Variants in TMEM131 observed in about 807,000 individuals in gnomAD.
The protein encoded by TMEM131 is 2610524E03Rik.
In TMEM131, 66 loss-of-function variants were observed where a neutral mutation model predicts 211.6. The observed-to-expected ratio is 0.31, with a 90% confidence interval of 0.26 to 0.38. TMEM131 has a LOEUF of 0.38. Among genes scored for constraint, TMEM131 ranks in the 10% least tolerant of loss-of-function variants. The pLI, the probability that TMEM131 is intolerant of heterozygous loss-of-function variation, is 1.00. For missense variants in TMEM131, 2,036 were observed against 2,299.3 expected (o/e 0.89, Z 2.34); for synonymous variants, 844 against 841.3 (o/e 1.00, Z -0.06).
chr2:97,859,027 T>TG (rs1334956826), intron 5 of TMEM131, among the ~76,000 whole-genome samples: 1 of 152,212 alleles, frequency 6.6e-6, no homozygotes, highest in Non-Finnish European at 1.5e-5. Flanking sequence ...GCGAAGGAAT[T>TG]ACCTATTATT....
chr2:97,778,317 G>A (rs535206126), intron 31 of TMEM131, among the ~76,000 whole-genome samples: 24 of 152,294 alleles, frequency 1.6e-4, no homozygotes, highest in East Asian at 5.8e-4. Flanking sequence ...TTGGGAGGCC[G>A]AGGAGGGCGG....
At chr2:97,899,495 C>T (rs1466966052) in intron 3 of TMEM131, among the ~76,000 whole-genome samples, 1 of 152,024 alleles carries the variant, frequency 6.6e-6, no homozygotes, top group Admixed American at 6.6e-5. Flanking sequence ...AGATGGTTAA[C>T]CTCACACATA....
chr2:97,863,252 T>C (rs940217405), intron 4 of TMEM131, among the ~76,000 whole-genome samples: 2 of 152,312 alleles, frequency 1.3e-5, no homozygotes, highest in South Asian at 2.1e-4. Flanking sequence ...ACATCAGATA[T>C]ATCTTACAAG....
intron 4 of TMEM131, among the ~76,000 whole-genome samples, chr2:97,873,591 T>C (rs1407011547): frequency 6.6e-6 from 1 of 152,228 alleles, no homozygotes; most frequent in African/African-American, 2.4e-5. Context: ...CCTCCGCTGC[T>C]GATACCAAGG....
intron 4 of TMEM131, among the ~76,000 whole-genome samples, chr2:97,864,318 C>T (rs998542929): frequency 6.6e-6 from 1 of 151,852 alleles, no homozygotes; most frequent in Non-Finnish European, 1.5e-5. Flanking sequence ...TTTCCTAGCA[C>T]AACACGGTGA....
intron 10 of TMEM131, among the ~76,000 whole-genome samples, chr2:97,833,654 CTT>C (rs11341582): frequency 0.03 from 4,280 of 143,674 alleles, 173 homozygotes; most frequent in African/African-American, 0.094. Flanking sequence ...AAAATATATA[CTT>C]TTTTTTTTTT....
chr2:97,857,532 T>C (rs552289413), intron 5 of TMEM131, among the ~76,000 whole-genome samples: 1 of 152,302 alleles, frequency 6.6e-6, no homozygotes, highest in East Asian at 1.9e-4. Flanking sequence ...AAGTTAGAAA[T>C]AAAATGTATA....
chr2:97,788,468 C>T (rs896784119), intron 31 of TMEM131, among the ~76,000 whole-genome samples: 2 of 152,210 alleles, frequency 1.3e-5, no homozygotes, highest in Admixed American at 6.5e-5. Flanking sequence ...GTTGACTCCT[C>T]AAGTTCAAGT....
At chr2:97,810,849 A>G (rs1328118303) in intron 18 of TMEM131, among the ~76,000 whole-genome samples, 6 of 152,204 alleles carry the variant, frequency 3.9e-5, no homozygotes, top group Non-Finnish European at 8.8e-5. Flanking sequence ...CAATGATATA[A>G]CCATCTGTTT....
intron 6 of TMEM131, 30 bp from the exon 7 acceptor site, chr2:97,841,967 T>G: frequency 6.8e-7 from 1 of 1,475,418 alleles, no homozygotes; most frequent in South Asian, 1.4e-5. Flanking sequence ...AAATGCAATT[T>G]TAGTTGCTTT....
intron 11 of TMEM131, among the ~76,000 whole-genome samples, chr2:97,819,286 T>C (rs1468999307): frequency 6.6e-6 from 1 of 152,238 alleles, no homozygotes; most frequent in Non-Finnish European, 1.5e-5. Context: ...GATTGAGCAC[T>C]GAGGCAGCCC....
chr2:97,794,990 T>C lies in TMEM131; in HGVS notation c.3326A>G (p.Glu1109Gly). ...LPYHMLATCA[E>G]ALPRPNWELA... ...TTCCCAGTTAGGTCTGGGTAGGGCT[T>C]CTGCACAGGTTGCTAACATATGGTA... The change falls in exon 29 of 41, where the codon GAA becomes GGA. Residue 1109 changes from glutamate (E) to glycine (G), a missense_variant. Physicochemically the swap from Glu to Gly is moderately conservative, Grantham distance 98. Coordinates refer to ENST00000186436, the MANE Select transcript of TMEM131 (RefSeq NM_015348.2). The C allele has an allele frequency of 6.2e-7, 1 of 1,612,778 alleles. No individual in the cohort carries two copies. Among genetic ancestry groups the C allele is most frequent in the South Asian group, 1.1e-5 (1 of 90,824 alleles).
At chr2:97,817,845 C>A (rs1176039303) in intron 12 of TMEM131, among the ~76,000 whole-genome samples, 1 of 152,172 alleles carries the variant, frequency 6.6e-6, no homozygotes, top group Non-Finnish European at 1.5e-5. Flanking sequence ...ACTCTGAGCA[C>A]AGATGGCTTT....
chr2:97,777,256 C>T (rs1158291506), intron 31 of TMEM131, among the ~76,000 whole-genome samples: 1 of 152,252 alleles, frequency 6.6e-6, no homozygotes, highest in Non-Finnish European at 1.5e-5. Context: ...TTAACCCAGT[C>T]TGTACGGGTC....
Position 97,995,578 on chromosome 2 carries a change from C to T in TMEM131, c.85G>A (p.Ala29Thr). 2.3e-6 allele frequency: 3 copies of T among 1,299,004 alleles called. No homozygotes were observed. The highest frequency in any genetic ancestry group is 2.9e-6 in the Non-Finnish European group (3 of 1,024,856). The allele number at this position is 1,299,004 out of a possible 1,614,324, so 80.5% of individuals were successfully genotyped here. The change falls in exon 1 of 41, where the codon GCC becomes ACC. Residue 29 changes from alanine to threonine, a missense_variant. Transcript: ENST00000186436. ...TSAGAGLEPA[A>T]ARSGGPRSAA... The stretch of plus-strand genomic sequence containing the variant: ...CTCCGCGGGCCCCCGCTACGGGCGG[C>T]CGCAGGTTCCAGCCCGGCCCCGGCG...
chr2:97,839,743 T>C (rs1029983402), intron 7 of TMEM131, among the ~76,000 whole-genome samples: 2 of 152,210 alleles, frequency 1.3e-5, no homozygotes, highest in Admixed American at 6.5e-5. Context: ...CATGTGGTTA[T>C]TTACATTTAA....
At chr2:97,942,264 G>C (rs1450098670) in intron 1 of TMEM131, among the ~76,000 whole-genome samples, 1 of 138,316 alleles carries the variant, frequency 7.2e-6, no homozygotes, top group Non-Finnish European at 1.5e-5. Context: ...TCATAGGTGG[G>C]AACTGAACAA....
At chr2:97,968,402 G>A (rs1299921793) in intron 1 of TMEM131, among the ~76,000 whole-genome samples, 1 of 152,068 alleles carries the variant, frequency 6.6e-6, no homozygotes, top group African/African-American at 2.4e-5. Context: ...ACGTAAACAT[G>A]GGAATAGTCA....
At chr2:97,889,001 G>T (rs1471522836) in intron 3 of TMEM131, among the ~76,000 whole-genome samples, 1 of 152,116 alleles carries the variant, frequency 6.6e-6, no homozygotes, top group Non-Finnish European at 1.5e-5. Flanking sequence ...TTTCATTCAG[G>T]ATTAAGGAGT....
Sources: gnomAD v4.1 joint callset for allele counts (sites outside exome capture counted in the v4.1 genomes callset) on GRCh38, gnomAD v4.1.1 for gene constraint, MANE v1.5 for transcripts, NCBI Gene and HGNC (gene_info 2026-07-23, HGNC 2026-07-21) for gene names.